Variants in ANKRD11 observed in about 807,000 individuals in gnomAD.
ANKRD11 encodes ankyrin repeat domain-containing protein 11.
ANKRD11 carries 17 observed loss-of-function variants against 195.7 expected under a neutral mutation model. The observed-to-expected ratio is 0.09, with a 90% CI of 0.06 to 0.13. The LOEUF (loss-of-function observed/expected upper bound fraction) is 0.13. Among genes scored for constraint, ANKRD11 ranks in the 10% least tolerant of loss-of-function variants. The pLI is 1.00. For synonymous variants in ANKRD11, 1,953 were observed against 1,528.1 expected (o/e 1.28, Z -6.49); for missense variants, 3,735 against 3,566.1 (o/e 1.05, Z -1.21).
At chr16:89,446,629 C>T (rs529396228) in intron 1 of ANKRD11, among the ~76,000 whole-genome samples, 1 of 152,042 alleles carries the variant, frequency 6.6e-6, no homozygotes, top group Non-Finnish European at 1.5e-5. Context: ...CCAAAAAAAA[C>T]CCACAGACTC....
chr16:89,380,236 C>G (rs977476926), intron 2 of ANKRD11, among the ~76,000 whole-genome samples: 1 of 152,148 alleles, frequency 6.6e-6, no homozygotes, highest in African/African-American at 2.4e-5. Flanking sequence ...TCTCTGCCCC[C>G]CGAGTAGTTG....
At chr16:89,295,765 T>G (rs1370887153) in intron 4 of ANKRD11, among the ~76,000 whole-genome samples, 2 of 130,234 alleles carry the variant, frequency 1.5e-5, no homozygotes, top group African/African-American at 2.9e-5. Context: ...GGGTGCCCTG[T>G]GCTGGTGGGA....
chr16:89,302,346 G>A (rs1206795361), intron 4 of ANKRD11, among the ~76,000 whole-genome samples: 1 of 152,196 alleles, frequency 6.6e-6, no homozygotes, highest in Non-Finnish European at 1.5e-5. Flanking sequence ...TCCACCTATT[G>A]GGTTCACGCA....
rs555861330 is a variant in ANKRD11 at position 89,271,204 on chromosome 16, CAG to C, written c.7714-297_7714-296del. On this transcript the variant is annotated intron_variant, in intron 11 of 12. Coordinates refer to ENST00000301030, the MANE Select transcript of ANKRD11 (RefSeq NM_013275.6). ...CCCAGCCCTGCCCCCAGGGGACAGT[CAG>C]AGCTCAGCCCACTGCCAACTCCTGG... 6.6e-4 allele frequency: 311 copies of C among 470,972 alleles called. 1 individual carries two copies. The highest frequency in any genetic ancestry group is 5.8e-3 in the African/African-American group (293 of 50,428). The allele number at this position is 470,972 out of a possible 1,614,324, so 29.2% of individuals were successfully genotyped here.
Position 89,490,519 on chromosome 16 carries a change from C to G in ANKRD11, c.-419G>C, listed in dbSNP as rs1275495753. 3 of 472,064 alleles carry G rather than the reference C, an allele frequency of 6.4e-6. No individual in the cohort carries two copies. The Admixed American group carries it at 1.0e-4, about 16-fold the overall frequency. 29.2% of individuals were successfully genotyped at this position (472,064 alleles called of 1,614,324 possible). A position where few individuals can be genotyped will look rare whatever the true frequency, so the allele number is the denominator to read the frequency against. On this transcript the variant is annotated 5_prime_UTR_variant, in exon 1 of 13. Transcript: ENST00000301030. Reference sequence around the variant, plus strand: ...GGGCTCGGCGGCGGCGCCTCCCCGGCTGGGGCCCTCGGTCCATCGCGCACC... The same window carrying G: ...GGGCTCGGCGGCGGCGCCTCCCCGGGTGGGGCCCTCGGTCCATCGCGCACC...
At chr16:89,348,053 C>A (rs1490742136) in intron 2 of ANKRD11, among the ~76,000 whole-genome samples, 1 of 152,066 alleles carries the variant, frequency 6.6e-6, no homozygotes, top group East Asian at 1.9e-4. Context: ...CCCACCTCAG[C>A]CTCCAGGGTA....
chr16:89,341,548 A>G (rs1040246123), intron 2 of ANKRD11, among the ~76,000 whole-genome samples: 1 of 152,150 alleles, frequency 6.6e-6, no homozygotes, highest in East Asian at 1.9e-4. Context: ...GAAAGCTGTA[A>G]ATAGAGGATA....
At position 89,393,615 on chromosome 16, in the gene ANKRD11, T is replaced by G. The variant is rs562663622; in HGVS notation, c.-60+24669A>C. ...CCTCAGCCTCCCAAAGTGGTGGGATTACAGGAGGAAGCCACTGCGCCCGGC... is the reference window on the plus strand; with the variant it reads ...CCTCAGCCTCCCAAAGTGGTGGGATGACAGGAGGAAGCCACTGCGCCCGGC... On this transcript the variant is annotated intron_variant, in intron 2 of 12. Coordinates refer to ENST00000301030, the MANE Select transcript of ANKRD11 (RefSeq NM_013275.6). Among the ~76,000 whole-genome samples the G allele has an allele frequency of 1.6e-4, 24 of 151,956 alleles. 1 individual carries two copies. In the South Asian group the frequency reaches 5.0e-3, roughly 32 times the overall value.
At chr16:89,300,524 G>A (rs3114915) in intron 4 of ANKRD11, 146,527 of 237,218 alleles carry the variant, frequency 0.62, 47,188 homozygotes, top group Middle Eastern at 0.7. Context: ...GCAGCTGAGC[G>A]GGTGGGAGAA....
chr16:89,434,338 T>C (rs143909377), intron 1 of ANKRD11, among the ~76,000 whole-genome samples: 50 of 152,360 alleles, frequency 3.3e-4, no homozygotes, highest in Non-Finnish European at 6.2e-4. Context: ...AGTCATACAG[T>C]TGTCGAAATA....
At chr16:89,379,096 G>A (rs550816654) in intron 2 of ANKRD11, among the ~76,000 whole-genome samples, 4 of 152,312 alleles carry the variant, frequency 2.6e-5, no homozygotes, top group East Asian at 1.9e-4. Context: ...TCGGCAGTGC[G>A]GACCAGCCCC....
At chr16:89,383,454 C>A (rs2040753291) in intron 2 of ANKRD11, among the ~76,000 whole-genome samples, 1 of 152,250 alleles carries the variant, frequency 6.6e-6, no homozygotes, top group Non-Finnish European at 1.5e-5. Context: ...TGTATCTACC[C>A]TCCCTGATGG....
rs993290174 is a variant in ANKRD11, at chr16:89,279,662, T to G, written c.6880A>C (p.Thr2294Pro). 4 of 1,446,486 alleles carry G rather than the reference T, an allele frequency of 2.8e-6. No individual in the cohort carries two copies. The highest frequency in any genetic ancestry group is 3.6e-6 in the Non-Finnish European group (4 of 1,105,534). 89.6% of individuals were successfully genotyped at this position (1,446,486 alleles called of 1,614,324 possible). ...GGGGCGGCGGCACGGGAGGCCTCAG[T>G]GTCGTCCTCGGGGCCGGCACCGTCT... ...AADGAGPEDD[T>P]EASRAAAPAE... Residue 2294 changes from threonine to proline, a missense_variant, in exon 9 of 13, where the codon ACT (threonine) becomes CCT (proline). Physicochemically the swap from Thr to Pro is conservative, Grantham distance 38. Transcript: ENST00000301030. This position sits in a 1 kb window ranked among gnomAD's most constrained non-coding sequence, Gnocchi z 5.6.
chr16:89,352,417 T>C (rs1427498661), intron 2 of ANKRD11, among the ~76,000 whole-genome samples: 1 of 151,000 alleles, frequency 6.6e-6, no homozygotes, highest in Non-Finnish European at 1.5e-5. Context: ...GACGCCCTCC[T>C]GCTCTCAGGT....
Position 89,284,334 on chromosome 16 carries a change from T to C in ANKRD11, c.2208A>G (p.Lys736=), listed in dbSNP as rs751791793. The C allele has an allele frequency of 6.2e-7, 1 of 1,613,998 alleles. No individual in the cohort carries two copies. The highest frequency in any genetic ancestry group is 8.5e-7 in the Non-Finnish European group (1 of 1,180,030). The change falls in exon 9 of 13, where the codon AAA becomes AAG. Residue 736 remains lysine, a synonymous_variant. Coordinates refer to ENST00000301030, the MANE Select transcript of ANKRD11 (RefSeq NM_013275.6). ...KDISRSFREE[K]DRSNKAEKER... is the part of the protein sequence containing the mutation. ...CCTTTTCTGCTTTATTCGAACGGTCTTTCTCTTCTCGGAAAGACCTGCTGA... is the reference window on the plus strand; with the variant it reads ...CCTTTTCTGCTTTATTCGAACGGTCCTTCTCTTCTCGGAAAGACCTGCTGA...
chr16:89,402,033 C>G (rs2041713844), intron 2 of ANKRD11, among the ~76,000 whole-genome samples: 1 of 151,376 alleles, frequency 6.6e-6, no homozygotes, highest in African/African-American at 2.4e-5. Context: ...TGTGAAAGCT[C>G]CTGGTCTGTG....
chr16:89,454,374 G>C (rs1400245931), intron 1 of ANKRD11, among the ~76,000 whole-genome samples: 1 of 152,112 alleles, frequency 6.6e-6, no homozygotes, highest in Non-Finnish European at 1.5e-5. Context: ...TCTACTGCAG[G>C]TTGCAAATCT....
In ANKRD11 at chr16:89,402,660, A is replaced by G. The variant is rs542731804; in HGVS notation, c.-60+15624T>C. Reference sequence around the variant, plus strand: ...GTGGGGGGGGCAGCACTGCAGGGTGAGGTGAAGGGGGTGGTTCTGCGGGAG... The same window carrying G: ...GTGGGGGGGGCAGCACTGCAGGGTGGGGTGAAGGGGGTGGTTCTGCGGGAG... On this transcript the variant is annotated intron_variant, in intron 2 of 12. Transcript: ENST00000301030. Among the ~76,000 whole-genome samples, 69 of 59,088 alleles carry G rather than the reference A, an allele frequency of 1.2e-3. 1 individual carries two copies. Among genetic ancestry groups the G allele is most frequent in the Admixed American group, 2.6e-3 (13 of 4,960 alleles). The allele number at this position is 59,088 out of a possible 152,430, so 38.8% of individuals were successfully genotyped here.
In ANKRD11 at chr16:89,280,973, G is replaced by A. The variant is rs764406187; in HGVS notation, c.5569C>T (p.Leu1857Phe). The A allele has an allele frequency of 9.5e-6, 15 of 1,571,018 alleles. No individual in the cohort carries two copies. In the East Asian group the frequency reaches 2.0e-4, roughly 21 times the overall value. Reference protein sequence around the residue: ...SPGYYSPDYGLPSPKVDALHC... With the variant: ...SPGYYSPDYGFPSPKVDALHC... ...AAAGCGTCGACTTTGGGCGACGGGA[G>A]GCCATAGTCTGGGGAGTAGTACCCT... The change falls in exon 9 of 13, where the codon CTC becomes TTC. Residue 1857 changes from leucine (L) to phenylalanine (F), a missense_variant. By Grantham distance (22) the Leu-to-Phe change is conservative. Coordinates refer to ENST00000301030, the MANE Select transcript of ANKRD11 (RefSeq NM_013275.6).
Sources: allele counts gnomAD v4.1 joint callset (sites outside exome capture counted in the v4.1 genomes callset), GRCh38; gene constraint gnomAD v4.1.1; non-coding constraint Gnocchi (gnomAD v3.1); transcripts MANE v1.5; gene names NCBI Gene and HGNC (gene_info 2026-07-23, HGNC 2026-07-21).